FLNB: variants seen among roughly 807,000 people sequenced by gnomAD.
FLNB encodes filamin-B.
A neutral mutation model predicts 250.6 loss-of-function variants in FLNB; 111 were observed. That is an observed-to-expected ratio of 0.44 (90% CI 0.38 to 0.52). The LOEUF is 0.52. Among genes scored for constraint, FLNB ranks in the 20% least tolerant of loss-of-function variants. FLNB has a pLI of 0.00. For missense variants in FLNB, 2,869 were observed against 3,447.8 expected (o/e 0.83, Z 4.20); for synonymous variants, 1,302 against 1,372.1 (o/e 0.95, Z 1.13).
At chr3:58,078,213 A>T (rs181378649) in intron 2 of FLNB, 376 of 1,248,672 alleles carry the variant, frequency 3.0e-4, no homozygotes, top group Admixed American at 4.7e-4. Flanking sequence ...ATTTAAGGAC[A>T]CATTTTAGGA....
rs749855347 is a variant in FLNB at position 58,146,917 on chromosome 3, G to A, written c.5652G>A (p.Leu1884=). The A allele has an allele frequency of 1.2e-6, 2 of 1,614,184 alleles. No individual in the cohort carries two copies. The highest frequency in any genetic ancestry group is 1.1e-5 in the South Asian group (1 of 91,080). Residue 1884 remains leucine, a synonymous_variant, in exon 34 of 46, where the codon CTG becomes CTA. Coordinates refer to ENST00000295956, the MANE Select transcript of FLNB (RefSeq NM_001457.4). ...GCACAGTGACCTACCTGCCGACTCT[G>A]CCAGGCGACTACAGCATTCTGGTCA... The part of the protein sequence containing the change: ...GTCTVTYLPT[L]PGDYSILVKY...
chr3:58,014,815 G>T (rs1278316045), intron 1 of FLNB, among the ~76,000 whole-genome samples: 1 of 152,094 alleles, frequency 6.6e-6, no homozygotes, highest in Non-Finnish European at 1.5e-5. Context: ...TGCAACCTCT[G>T]TCTCCCGGGG....
At chr3:58,080,925 C>T (rs2097208384) in intron 3 of FLNB, among the ~76,000 whole-genome samples, 1 of 151,686 alleles carries the variant, frequency 6.6e-6, no homozygotes, top group African/African-American at 2.4e-5. Context: ...TCCCTAGTAG[C>T]TGGGATTACA....
intron 1 of FLNB, among the ~76,000 whole-genome samples, chr3:58,042,372 G>A (rs1329705126): frequency 1.4e-5 from 2 of 143,458 alleles, no homozygotes; most frequent in East Asian, 4.1e-4. Flanking sequence ...TTTAAAGTCC[G>A]GGTCTTACTC....
chr3:58,146,871 TTGACAATAAAGATGGGACA>T lies in FLNB; in HGVS notation c.5609_5627del (p.Asp1870AlafsTer3). On this transcript the variant is annotated frameshift_variant, in exon 34 of 46. Transcript: ENST00000295956. LOFTEE classifies it high-confidence loss of function. ...CCCTCAAAAGCAGAAATCAGCTGCATTGACAATAAAGATGGGACATGCACAGTGACCTACCTGCCGACTC... is the reference window on the plus strand; with the variant it reads ...CCCTCAAAAGCAGAAATCAGCTGCATTGCACAGTGACCTACCTGCCGACTC... 6.2e-7 allele frequency: 1 copy of T among 1,614,208 alleles called. No individual in the cohort carries two copies. Among genetic ancestry groups the T allele is most frequent in the East Asian group, 2.2e-5 (1 of 44,882 alleles).
intron 25 of FLNB, chr3:58,131,942 C>G (rs1482382373): frequency 2.0e-6 from 3 of 1,536,960 alleles, no homozygotes; most frequent in East Asian, 4.9e-5. Context: ...GACACGGATT[C>G]CCAGTCATGG....
At chr3:58,088,250 G>A (rs2097220662) in intron 4 of FLNB, among the ~76,000 whole-genome samples, 1 of 151,818 alleles carries the variant, frequency 6.6e-6, no homozygotes, top group South Asian at 2.1e-4. Flanking sequence ...GTTTCACCAT[G>A]TTGGCCAGGC....
chr3:58,093,877 T>TA (rs1192512718), intron 4 of FLNB, among the ~76,000 whole-genome samples: 2 of 152,192 alleles, frequency 1.3e-5, no homozygotes, highest in Non-Finnish European at 1.5e-5. Flanking sequence ...CCTAAAAGGT[T>TA]ACATAGTTAT....
chr3:58,114,042 G>A (rs140275551), intron 18 of FLNB, among the ~76,000 whole-genome samples: 113 of 152,180 alleles, frequency 7.4e-4, no homozygotes, highest in African/African-American at 2.5e-3. Flanking sequence ...GTTGTAGCAC[G>A]TGTCAGAACT....
At chr3:58,028,740 A>G (rs924187083) in intron 1 of FLNB, among the ~76,000 whole-genome samples, 15 of 150,088 alleles carry the variant, frequency 1.0e-4, no homozygotes, top group East Asian at 2.0e-4. Flanking sequence ...CAGCCTCCCA[A>G]GTAGCTGGGA....
At chr3:58,021,821 C>T (rs1425757277) in intron 1 of FLNB, among the ~76,000 whole-genome samples, 2 of 152,108 alleles carry the variant, frequency 1.3e-5, no homozygotes, top group Non-Finnish European at 2.9e-5. Context: ...GTCACCCAGG[C>T]TAGAGTGCAG....
Position 58,153,606 on chromosome 3 carries a change from G to A in FLNB, c.6599G>A (p.Gly2200Asp), listed in dbSNP as rs1209481269. The change falls in exon 39 of 46, where the codon GGC becomes GAC. Residue 2200 changes from glycine to aspartate, a missense_variant. By Grantham distance (94) the Gly-to-Asp change is moderately conservative (BLOSUM62 -1). This residue lies in a region of FLNB where 1,084 missense variants were observed against 1,315.5 expected (regional missense o/e 0.82). Transcript: ENST00000295956. ...GGCGCCCACAAGGTGCGGGCAGGAGGCCCTGGCCTGGAGAGAGGAGAAGCG... is the reference window on the plus strand; with the variant it reads ...GGCGCCCACAAGGTGCGGGCAGGAGACCCTGGCCTGGAGAGAGGAGAAGCG... ...EGGAHKVRAG[G>D]PGLERGEAGV... 3 of 1,614,152 alleles carry A rather than the reference G, an allele frequency of 1.9e-6. No individual in the cohort carries two copies. In the East Asian group the frequency reaches 6.7e-5, roughly 36 times the overall value.
intron 29 of FLNB, among the ~76,000 whole-genome samples, chr3:58,141,454 A>G (rs560436516): frequency 6.6e-6 from 1 of 152,262 alleles, no homozygotes; most frequent in East Asian, 1.9e-4. Context: ...GTACCCTTAC[A>G]TATTGATTCA....
In FLNB at chr3:58,141,901, A is replaced by C. The variant is rs994974763; in HGVS notation, c.5153A>C (p.Asn1718Thr). 4 of 1,614,032 alleles carry C rather than the reference A, an allele frequency of 2.5e-6. No individual in the cohort carries two copies. In the African/African-American group the frequency reaches 4.0e-5, roughly 16 times the overall value. Reference protein sequence around the residue: ...EVTAVEEAPVNACPPGFRPWV... With the variant: ...EVTAVEEAPVTACPPGFRPWV... ...ACAGCCGTGGAGGAGGCACCGGTAA[A>C]TGCATGTCCCCCTGGATTCAGGCCC... is the stretch of plus-strand genomic sequence containing the variant. Residue 1718 changes from asparagine to threonine, a missense_variant, in exon 30 of 46, where the codon AAT becomes ACT. Around this residue, in one of 5 missense-constraint regions of FLNB, gnomAD observed 1,084 missense variants for 1,315.5 expected, o/e 0.82. Transcript: ENST00000295956.
Position 58,070,970 on chromosome 3 carries a change from CAG to C in FLNB, c.293-6073_293-6072del, listed in dbSNP as rs558901623. The stretch of plus-strand genomic sequence containing the variant: ...CTCTCTTGTTTTTTTTTTTTTGAGA[CAG>C]AGTCTTACTTTGTTGCCCAGCTTGG... On this transcript the variant is annotated intron_variant, in intron 1 of 45. Coordinates refer to ENST00000295956, the MANE Select transcript of FLNB (RefSeq NM_001457.4). 4.1e-3 allele frequency among the ~76,000 whole-genome samples: 608 copies of C among 148,710 alleles called. 1 individual carries two copies. The highest frequency in any genetic ancestry group is 0.015 in the African/African-American group (584 of 39,968).
intron 24 of FLNB, among the ~76,000 whole-genome samples, chr3:58,129,026 G>C (rs1357051320): frequency 6.6e-6 from 1 of 152,180 alleles, no homozygotes; most frequent in Non-Finnish European, 1.5e-5. Flanking sequence ...GCAACCTATG[G>C]GGGTACTGCC....
intron 18 of FLNB, among the ~76,000 whole-genome samples, chr3:58,116,675 A>G (rs1407212465): frequency 6.6e-6 from 1 of 152,182 alleles, no homozygotes; most frequent in Non-Finnish European, 1.5e-5. Flanking sequence ...GGACCCTCCC[A>G]GAGGTCAAAG....
chr3:58,104,181 A>T, intron 10 of FLNB, 96 bp downstream of exon 10: 14 of 1,227,372 alleles, frequency 1.1e-5, no homozygotes, highest in African/African-American at 1.6e-5. Context: ...AGGGAAAGAG[A>T]TCTGCTTTGT....
intron 1 of FLNB, among the ~76,000 whole-genome samples, chr3:58,070,605 T>C (rs1169804760): frequency 6.6e-6 from 1 of 151,246 alleles, no homozygotes; most frequent in African/African-American, 2.4e-5. Flanking sequence ...TTAGTGCGAG[T>C]GTGTGTGGCC....
Sources: allele counts gnomAD v4.1 joint callset (sites outside exome capture counted in the v4.1 genomes callset), GRCh38; gene constraint gnomAD v4.1.1; regional missense constraint gnomAD v4.1.1; transcripts MANE v1.5; gene names NCBI Gene and HGNC (gene_info 2026-07-23, HGNC 2026-07-21).